ARHGAP15: variants seen among roughly 807,000 people sequenced by gnomAD.
The protein encoded by ARHGAP15 is rho GTPase-activating protein 15.
ARHGAP15 carries 51 observed loss-of-function variants against 63.7 expected under a neutral mutation model. The observed-to-expected ratio is 0.80, with a 90% CI of 0.64 to 1.01. The LOEUF is 1.01. Among genes scored for constraint, ARHGAP15 ranks in the 50% least tolerant of loss-of-function variants. The pLI, the probability that ARHGAP15 is intolerant of heterozygous loss-of-function variation, is 0.00. For missense variants in ARHGAP15, 560 were observed against 564.6 expected, an observed-to-expected ratio of 0.99 and a Z score of 0.08; for synonymous variants, 191 against 193.8, an observed-to-expected ratio of 0.99 and a Z score of 0.12.
chr2:143,221,311 T>C (rs1456337428), intron 4 of ARHGAP15, among the ~76,000 whole-genome samples: 1 of 152,200 alleles, frequency 6.6e-6, no homozygotes. Context: ...TATCTCTGAA[T>C]ATAAGCAGGA....
intron 6 of ARHGAP15, among the ~76,000 whole-genome samples, chr2:143,403,550 A>G (rs1477600119): frequency 2.0e-5 from 3 of 152,066 alleles, no homozygotes; most frequent in Admixed American, 2.0e-4. Flanking sequence ...AAAAAAAAAT[A>G]CAACCCAAAA....
chr2:143,183,315 A>C (rs1260589951), intron 2 of ARHGAP15, among the ~76,000 whole-genome samples: 1 of 152,192 alleles, frequency 6.6e-6, no homozygotes, highest in African/African-American at 2.4e-5. Context: ...ATTCATAACA[A>C]ATACACTGAT....
intron 9 of ARHGAP15, among the ~76,000 whole-genome samples, chr2:143,506,064 T>C (rs137913820): frequency 6.6e-6 from 1 of 152,358 alleles, no homozygotes; most frequent in African/African-American, 2.4e-5. Context: ...TCTTTTCTTA[T>C]TGAACTATGC....
At chr2:143,458,712 C>G (rs1465582674) in intron 8 of ARHGAP15, among the ~76,000 whole-genome samples, 1 of 152,112 alleles carries the variant, frequency 6.6e-6, no homozygotes, top group Non-Finnish European at 1.5e-5. Context: ...TAATGTTTTC[C>G]TCTCCTTTGC....
intron 5 of ARHGAP15, chr2:143,236,388 T>G (rs1693647719): frequency 6.5e-6 from 1 of 154,994 alleles, no homozygotes; most frequent in African/African-American, 2.4e-5. Context: ...TCTCTCCTTT[T>G]GTTCAAATAT....
intron 11 of ARHGAP15, among the ~76,000 whole-genome samples, chr2:143,562,969 C>T (rs150066793): frequency 3.9e-5 from 6 of 152,252 alleles, no homozygotes; most frequent in African/African-American, 7.2e-5. Flanking sequence ...ACACATTTAC[C>T]GTGGATTGTA....
intron 12 of ARHGAP15, among the ~76,000 whole-genome samples, chr2:143,632,091 G>A (rs748402639): frequency 6.6e-5 from 10 of 151,616 alleles, no homozygotes; most frequent in Non-Finnish European, 1.5e-4. Flanking sequence ...TATACAGTGT[G>A]TAACAATCAA....
chr2:143,670,491 A>C (rs1303225831), intron 12 of ARHGAP15, among the ~76,000 whole-genome samples: 1 of 152,128 alleles, frequency 6.6e-6, no homozygotes, highest in Admixed American at 6.5e-5. Context: ...ACCCGTGCCA[A>C]TTCTTCACAG....
intron 5 of ARHGAP15, chr2:143,237,862 T>G (rs930878021): frequency 1.3e-5 from 2 of 152,206 alleles, no homozygotes; most frequent in Non-Finnish European, 2.9e-5. Context: ...GTAAGGGACT[T>G]TTTTGTTACT....
chr2:143,435,217 G>A (rs930704025), intron 6 of ARHGAP15: 1 of 985,330 alleles, frequency 1.0e-6, no homozygotes, highest in Non-Finnish European at 1.2e-6. Flanking sequence ...GAAAAAGACA[G>A]ACAGGAAAGA....
rs891559570 is a variant in ARHGAP15 at position 143,270,738 on chromosome 2, C to G, written c.474+20138C>G. On this transcript the variant is annotated intron_variant, in intron 6 of 13. Transcript: ENST00000295095. ...CTAGAAAATCAAGTCTCCTGGTCAA[C>G]TTTTTCTTTTCAAAATATCTCAATA... 2.6e-5 allele frequency among the ~76,000 whole-genome samples: 4 copies of G among 152,228 alleles called. No individual in the cohort carries two copies. In the East Asian group the frequency reaches 7.7e-4, roughly 29 times the overall value.
chr2:143,192,867 T>C (rs1351654728), intron 2 of ARHGAP15, among the ~76,000 whole-genome samples: 1 of 152,220 alleles, frequency 6.6e-6, no homozygotes, highest in Non-Finnish European at 1.5e-5. Flanking sequence ...AAAAGTGCTG[T>C]AACTTAAGCT....
chr2:143,662,151 G>C (rs186156458), intron 12 of ARHGAP15, among the ~76,000 whole-genome samples: 1 of 152,394 alleles, frequency 6.6e-6, no homozygotes, highest in African/African-American at 2.4e-5. Context: ...AACCTCTGCA[G>C]ACTTAAATAT....
chr2:143,601,893 C>A (rs1353568153), intron 11 of ARHGAP15, among the ~76,000 whole-genome samples: 1 of 152,146 alleles, frequency 6.6e-6, no homozygotes, highest in Non-Finnish European at 1.5e-5. Context: ...ACTTAGCTTA[C>A]CTTTTTTACA....
At chr2:143,157,010 T>G (rs1178433412) in intron 2 of ARHGAP15, among the ~76,000 whole-genome samples, 2 of 151,998 alleles carry the variant, frequency 1.3e-5, no homozygotes. Flanking sequence ...TAACATATTT[T>G]ATTGGCTGTG....
chr2:143,421,766 G>GTATATA (rs59677710), intron 6 of ARHGAP15, among the ~76,000 whole-genome samples: 87 of 109,006 alleles, frequency 8.0e-4, no homozygotes, highest in East Asian at 1.8e-3. Context: ...TGCACATGGT[G>GTATATA]TATATATATA....
chr2:143,361,199 T>G (rs1163192686), intron 6 of ARHGAP15, among the ~76,000 whole-genome samples: 2 of 152,198 alleles, frequency 1.3e-5, no homozygotes, highest in African/African-American at 2.4e-5. Flanking sequence ...TACTCAAGAT[T>G]GAATTAGAAA....
chr2:143,552,899 A>G (rs1262455306), intron 10 of ARHGAP15, among the ~76,000 whole-genome samples: 2 of 152,212 alleles, frequency 1.3e-5, no homozygotes, highest in Admixed American at 6.5e-5. Flanking sequence ...TCCAAAGCAC[A>G]AAAGAGGTAC....
At chr2:143,485,751 C>G (rs1692296219) in intron 8 of ARHGAP15, among the ~76,000 whole-genome samples, 1 of 152,060 alleles carries the variant, frequency 6.6e-6, no homozygotes, top group Non-Finnish European at 1.5e-5. Context: ...GGACAGGCCT[C>G]TACAACAAAG....
Sources: gnomAD v4.1 joint callset for allele counts (sites outside exome capture counted in the v4.1 genomes callset) on GRCh38, gnomAD v4.1.1 for gene constraint, MANE v1.5 for transcripts, NCBI Gene and HGNC (gene_info 2026-07-23, HGNC 2026-07-21) for gene names.